Variants in RASGEF1A observed in about 807,000 individuals in gnomAD.
The protein encoded by RASGEF1A is ras-GEF domain-containing family member 1A.
Under a neutral mutation model 56.4 loss-of-function variants are expected in RASGEF1A, and 18 were observed. That is an observed-to-expected ratio of 0.32 (90% CI 0.22 to 0.47). The LOEUF is 0.47. Among genes scored for constraint, RASGEF1A ranks in the 20% least tolerant of loss-of-function variants. The pLI is 1.00. For missense variants in RASGEF1A, 422 were observed against 627.1 expected (o/e 0.67, Z 3.49); for synonymous variants, 245 against 242.6 (o/e 1.01, Z -0.09).
intron 1 of RASGEF1A, among the ~76,000 whole-genome samples, chr10:43,254,039 C>G (rs575521049): frequency 3.5e-4 from 54 of 152,330 alleles, no homozygotes; most frequent in African/African-American, 1.3e-3. Context: ...ATCCTCCCCA[C>G]CCTCAGGCCC....
chr10:43,215,089 C>T (rs1840117831), intron 1 of RASGEF1A, among the ~76,000 whole-genome samples: 1 of 152,202 alleles, frequency 6.6e-6, no homozygotes, highest in Admixed American at 6.5e-5. Context: ...CACACATTCC[C>T]ACGACCTGCA....
At chr10:43,203,617 A>T in intron 2 of RASGEF1A, 197 bp from the exon 3 acceptor site, 1 of 1,208,238 alleles carries the variant, frequency 8.3e-7, no homozygotes. Context: ...CCTACCTAGG[A>T]GGCACGGCTC....
At chr10:43,205,838 G>A in intron 2 of RASGEF1A, 81 bp downstream of exon 2, 1 of 1,188,876 alleles carries the variant, frequency 8.4e-7, no homozygotes, top group Admixed American at 1.9e-5. Context: ...CCACTCTGTG[G>A]GGGCCTCCCT....
At chr10:43,232,198 A>G (rs1192369995) in intron 1 of RASGEF1A, among the ~76,000 whole-genome samples, 1 of 152,214 alleles carries the variant, frequency 6.6e-6, no homozygotes, top group African/African-American at 2.4e-5. Flanking sequence ...CGATTGGATC[A>G]TGGGGGCGGA....
chr10:43,198,279 G>T (rs2435373), intron 9 of RASGEF1A, 84 bp from the exon 10 acceptor site: 1 of 1,239,554 alleles, frequency 8.1e-7, no homozygotes, highest in Non-Finnish European at 1.1e-6. Context: ...AGAGCAGGAG[G>T]CAGCAGACAG....
intron 1 of RASGEF1A, among the ~76,000 whole-genome samples, chr10:43,232,796 C>G (rs532261659): frequency 2.6e-5 from 4 of 152,170 alleles, no homozygotes; most frequent in Non-Finnish European, 5.9e-5. Context: ...CAAGGCCCTT[C>G]TTTATAGCAG....
At chr10:43,239,872 C>A (rs1840480843) in intron 1 of RASGEF1A, among the ~76,000 whole-genome samples, 1 of 152,152 alleles carries the variant, frequency 6.6e-6, no homozygotes, top group Admixed American at 6.5e-5. Flanking sequence ...TTCACAAATG[C>A]CTGAAGCAGT....
chr10:43,226,015 G>A (rs954108109), intron 1 of RASGEF1A, among the ~76,000 whole-genome samples: 3 of 152,072 alleles, frequency 2.0e-5, no homozygotes, highest in African/African-American at 4.8e-5. Flanking sequence ...GGGTGTGGGC[G>A]GTGACAGGGG....
In RASGEF1A at chr10:43,200,175, C is replaced by T; in HGVS notation, c.756+7G>A. The T allele has an allele frequency of 1.3e-6, 2 of 1,590,920 alleles. No individual in the cohort carries two copies. Among genetic ancestry groups the T allele is most frequent in the African/African-American group, 1.3e-5 (1 of 74,598 alleles). On this transcript the variant is annotated splice_region_variant and intron_variant, in intron 6 of 12. Coordinates refer to ENST00000395810, the MANE Select transcript of RASGEF1A (RefSeq NM_145313.4). ...GGCAGGGGTGCCACAGGCCTTGGCC[C>T]ACTTACCCTGTGGTTGTCCAAGGAG...
intron 1 of RASGEF1A, chr10:43,207,726 A>ATT: frequency 3.0e-6 from 3 of 984,264 alleles, no homozygotes; most frequent in Non-Finnish European, 3.6e-6. Context: ...TAGAATGCAC[A>ATT]TTCTCAGGCC....
intron 1 of RASGEF1A, among the ~76,000 whole-genome samples, chr10:43,246,176 CAA>C (rs1429760219): frequency 6.6e-6 from 1 of 152,004 alleles, no homozygotes; most frequent in African/African-American, 2.4e-5. Context: ...GTAATAGCAT[CAA>C]AGAGAATAAA....
chr10:43,205,320 A>G (rs1287827585), intron 2 of RASGEF1A, among the ~76,000 whole-genome samples: 1 of 152,162 alleles, frequency 6.6e-6, no homozygotes, highest in Non-Finnish European at 1.5e-5. Flanking sequence ...GGCACACTTG[A>G]CAAGGGAACA....
At chr10:43,218,822 G>A (rs963372380) in intron 1 of RASGEF1A, among the ~76,000 whole-genome samples, 1 of 152,380 alleles carries the variant, frequency 6.6e-6, no homozygotes, top group Admixed American at 6.5e-5. Context: ...CCACAGGCGC[G>A]ACGCGGATAA....
chr10:43,205,799 T>G (rs553725011), intron 2 of RASGEF1A, 120 bp downstream of exon 2: 1 of 807,188 alleles, frequency 1.2e-6, no homozygotes, highest in East Asian at 2.7e-5. Flanking sequence ...CCCACTGCCC[T>G]GCCCCTCCTG....
chr10:43,257,919 G>A (rs1464747670), intron 1 of RASGEF1A, among the ~76,000 whole-genome samples: 1 of 152,254 alleles, frequency 6.6e-6, no homozygotes, highest in Non-Finnish European at 1.5e-5. Context: ...GCAGACAGCT[G>A]CAGCCTGGAG....
Position 43,196,104 on chromosome 10 carries a change from T to A in RASGEF1A, c.*140A>T. ...AAGTGCCAAAGGTTGATGCGTGAAA[T>A]AATTACCATTTTTTTCTCATAAAAG... is the stretch of plus-strand genomic sequence containing the variant. On this transcript the variant is annotated 3_prime_UTR_variant, in exon 13 of 13. Coordinates refer to ENST00000395810, the MANE Select transcript of RASGEF1A (RefSeq NM_145313.4). This position sits in a 1 kb window ranked among gnomAD's most constrained non-coding sequence, Gnocchi z 4.6. The A allele has an allele frequency of 1.3e-6, 1 of 783,208 alleles. No homozygotes were observed. Among genetic ancestry groups the A allele is most frequent in the Non-Finnish European group, 2.0e-6 (1 of 496,092 alleles). The allele number at this position is 783,208 out of a possible 1,614,324, so 48.5% of individuals were successfully genotyped here. A position where few individuals can be genotyped will look rare whatever the true frequency, so the allele number is the denominator to read the frequency against.
chr10:43,233,179 T>A (rs1160082427), intron 1 of RASGEF1A, among the ~76,000 whole-genome samples: 1 of 152,202 alleles, frequency 6.6e-6, no homozygotes, highest in East Asian at 1.9e-4. Flanking sequence ...ACCTTCTGGT[T>A]CATTCGTCTG....
At chr10:43,220,032 C>G (rs993870294) in intron 1 of RASGEF1A, among the ~76,000 whole-genome samples, 11 of 152,144 alleles carry the variant, frequency 7.2e-5, no homozygotes, top group Non-Finnish European at 1.0e-4. Context: ...GAAACAGCAC[C>G]CAGACACACG....
chr10:43,226,771 C>G (rs1424266883), intron 1 of RASGEF1A, among the ~76,000 whole-genome samples: 1 of 152,266 alleles, frequency 6.6e-6, no homozygotes, highest in African/African-American at 2.4e-5. Flanking sequence ...GTACAGGCCA[C>G]TTCCCGCCCT....
Sources: gnomAD v4.1 joint callset for allele counts (sites outside exome capture counted in the v4.1 genomes callset) on GRCh38, gnomAD v4.1.1 for gene constraint, Gnocchi (gnomAD v3.1) non-coding constraint, MANE v1.5 for transcripts, NCBI Gene and HGNC (gene_info 2026-07-23, HGNC 2026-07-21) for gene names.